ATRX: variants seen among roughly 807,000 people sequenced by gnomAD.
The protein encoded by ATRX is chromatin remodeler ATRX.
A neutral mutation model predicts 172.6 loss-of-function variants in ATRX; 12 were observed. The ratio of observed to expected loss-of-function variants is 0.07; its 90% CI spans 0.04 to 0.11. The LOEUF is 0.11. ATRX is among the 10% of genes least tolerant of loss of function. The pLI, the probability that ATRX is intolerant of heterozygous loss-of-function variation, is 1.00. For synonymous variants in ATRX, 674 were observed against 594.7 expected (o/e 1.13, Z -1.94); for missense variants, 1,368 against 1,767.4 (o/e 0.77, Z 4.05).
chrX:77,509,629 A>G lies in ATRX; in HGVS notation c.7201-1000T>C, dbSNP rs1045452871. On this transcript the variant is annotated intron_variant, in intron 34 of 34. Coordinates refer to ENST00000373344, the MANE Select transcript of ATRX (RefSeq NM_000489.6). ...AGAGAATCTATGTGCTTGCAGGAAAAGAGTACAGTGATTATGGGACTCTGC... is the reference window on the plus strand; with the variant it reads ...AGAGAATCTATGTGCTTGCAGGAAAGGAGTACAGTGATTATGGGACTCTGC... 9.0e-5 allele frequency among the ~76,000 whole-genome samples: 10 copies of G among 110,912 alleles called. No individual in the cohort carries two copies. The Admixed American group carries it at 9.6e-4, about 11-fold the overall frequency.
intron 27 of ATRX, among the ~76,000 whole-genome samples, chrX:77,577,836 C>G (rs907214129): frequency 9.0e-6 from 1 of 111,434 alleles, no homozygotes. Flanking sequence ...CCAGCATAAA[C>G]AGCAAATGTT....
At chrX:77,583,687 T>A (rs1233264315) in intron 27 of ATRX, among the ~76,000 whole-genome samples, 1 of 111,646 alleles carries the variant, frequency 9.0e-6, no homozygotes, top group East Asian at 2.8e-4. Flanking sequence ...ATAGCTAGTA[T>A]CATACTAAAG....
intron 1 of ATRX, among the ~76,000 whole-genome samples, chrX:77,731,586 C>T (rs2074300030): frequency 9.0e-6 from 1 of 111,401 alleles, no homozygotes; most frequent in Non-Finnish European, 1.9e-5. Context: ...GTCTCTTTAC[C>T]AATAGAATGT....
intron 28 of ATRX, among the ~76,000 whole-genome samples, chrX:77,571,241 A>C (rs2148008023): frequency 8.9e-6 from 1 of 112,039 alleles, no homozygotes; most frequent in East Asian, 2.8e-4. Flanking sequence ...GGTCCACACA[A>C]AAAGCTGGAA....
chrX:77,660,695 T>C (rs2069837085), intron 12 of ATRX, among the ~76,000 whole-genome samples: 1 of 111,542 alleles, frequency 9.0e-6, no homozygotes, highest in Non-Finnish European at 1.9e-5. Context: ...ACATATTAAT[T>C]GTATATGTGT....
At chrX:77,592,783 G>T (rs782353930) in intron 26 of ATRX, among the ~76,000 whole-genome samples, 53 of 108,974 alleles carry the variant, frequency 4.9e-4, no homozygotes, top group Non-Finnish European at 9.1e-4. Flanking sequence ...TTGCACTCCC[G>T]CCTGGGCAAC....
At chrX:77,775,183 G>A (rs1333168954) in intron 1 of ATRX, among the ~76,000 whole-genome samples, 1 of 111,639 alleles carries the variant, frequency 9.0e-6, no homozygotes, top group African/African-American at 3.3e-5. Flanking sequence ...AATAATAGAG[G>A]ATGATAAAGT....
At chrX:77,753,531 C>G (rs2075376362) in intron 1 of ATRX, among the ~76,000 whole-genome samples, 1 of 110,982 alleles carries the variant, frequency 9.0e-6, no homozygotes, top group Admixed American at 9.7e-5. Flanking sequence ...CTCTTTTTCT[C>G]TAGTTCTTTT....
intron 30 of ATRX, among the ~76,000 whole-genome samples, chrX:77,533,368 A>T (rs1342859807): frequency 1.8e-5 from 2 of 112,433 alleles, no homozygotes; most frequent in Non-Finnish European, 3.8e-5. Flanking sequence ...AAGTCATGGA[A>T]TCAACCTACA....
intron 2 of ATRX, among the ~76,000 whole-genome samples, chrX:77,705,227 G>A (rs1199185782): frequency 8.1e-5 from 9 of 111,293 alleles, no homozygotes; most frequent in African/African-American, 2.6e-4. Context: ...TGGGACTGCA[G>A]CCACGGTTTG....
intron 34 of ATRX, among the ~76,000 whole-genome samples, chrX:77,518,604 C>T (rs1469518812): frequency 9.0e-6 from 1 of 111,530 alleles, no homozygotes; most frequent in Non-Finnish European, 1.9e-5. Flanking sequence ...AGATACAATG[C>T]ATCCTTATCA....
intron 34 of ATRX, among the ~76,000 whole-genome samples, chrX:77,512,524 T>C (rs984513995): frequency 1.8e-5 from 2 of 112,663 alleles, no homozygotes; most frequent in Middle Eastern, 4.6e-3. Context: ...TTTGCAAGCC[T>C]CATGGTAACT....
rs1557137049 is a variant in ATRX, at chrX:77,681,654, G to A, written c.3602C>T (p.Thr1201Ile). ...TSTKRKQADI[T>I]SSSSSDIEDD... Reference sequence around the variant, plus strand: ...TTCTATATCAGAAGAAGATGAGGATGTAATGTCAGCTTGCTTCCTTTTAGT... The same window carrying A: ...TTCTATATCAGAAGAAGATGAGGATATAATGTCAGCTTGCTTCCTTTTAGT... The change falls in exon 9 of 35, where the codon ACA becomes ATA. Residue 1201 changes from threonine to isoleucine, a missense_variant. Transcript: ENST00000373344. 8.3e-7 allele frequency: 1 copy of A among 1,208,569 alleles called. No individual in the cohort carries two copies.
intron 30 of ATRX, among the ~76,000 whole-genome samples, chrX:77,527,244 G>C (rs1557044132): frequency 1.8e-5 from 2 of 112,058 alleles, no homozygotes; most frequent in African/African-American, 6.5e-5. Flanking sequence ...GTGGTCTGTG[G>C]CACTCACAGA....
At chrX:77,774,881 CTTTT>C (rs1435874432) in intron 1 of ATRX, among the ~76,000 whole-genome samples, 1 of 105,799 alleles carries the variant, frequency 9.5e-6, no homozygotes, top group East Asian at 3.1e-4. Flanking sequence ...TAATTTAGTA[CTTTT>C]GTTTGTTTGT....
In ATRX at chrX:77,682,756, C is replaced by T. The variant is rs2148595996; in HGVS notation, c.2500G>A (p.Ala834Thr). 8.3e-7 allele frequency: 1 copy of T among 1,210,473 alleles called. No individual in the cohort carries two copies. Among genetic ancestry groups the T allele is most frequent in the Admixed American group, 2.2e-5 (1 of 45,927 alleles). The change falls in exon 9 of 35, where the codon GCC becomes ACC. Residue 834 changes from alanine (A) to threonine (T), a missense_variant. By Grantham distance (58) the Ala-to-Thr change is moderately conservative (BLOSUM62 0). Around this residue, in one of 17 missense-constraint regions of ATRX, gnomAD observed 843 missense variants for 643.1 expected, o/e 1.31. Coordinates refer to ENST00000373344, the MANE Select transcript of ATRX (RefSeq NM_000489.6). ...EIKSMSKIGAARTTKKRIPNT... is the reference protein window; with the variant it reads ...EIKSMSKIGATRTTKKRIPNT... ...GGAATTCTTTTTTTGGTGGTTCTGG[C>T]AGCACCAATTTTACTCATGCTCTTT... is the stretch of plus-strand genomic sequence containing the variant.
intron 4 of ATRX, among the ~76,000 whole-genome samples, chrX:77,697,212 T>C (rs2072235690): frequency 9.0e-6 from 1 of 111,637 alleles, no homozygotes; most frequent in South Asian, 3.7e-4. Context: ...ATGACTAACT[T>C]CCCATCCTAG....
chrX:77,513,131 C>T lies in ATRX; in HGVS notation c.7201-4502G>A, dbSNP rs975863729. On this transcript the variant is annotated intron_variant, in intron 34 of 34. Coordinates refer to ENST00000373344, the MANE Select transcript of ATRX (RefSeq NM_000489.6). ...AGGAGACTGAGACCATCCTGGTTAA[C>T]ACGGTGAAACCCCGTCTCTACTAAA... Among the ~76,000 whole-genome samples, 5 of 108,317 alleles carry T rather than the reference C, an allele frequency of 4.6e-5. No individual in the cohort carries two copies. The South Asian group carries it at 2.1e-3, about 45-fold the overall frequency. 94.1% of individuals were successfully genotyped at this position (108,317 alleles called of 115,157 possible). A position where few individuals can be genotyped will look rare whatever the true frequency, so the allele number is the denominator to read the frequency against.
At chrX:77,765,903 A>G (rs1210213832) in intron 1 of ATRX, among the ~76,000 whole-genome samples, 1 of 107,189 alleles carries the variant, frequency 9.3e-6, no homozygotes, top group African/African-American at 3.4e-5. Flanking sequence ...CTTAACGAGC[A>G]TGCTGCCTTC....
Sources: allele counts gnomAD v4.1 joint callset (sites outside exome capture counted in the v4.1 genomes callset), GRCh38; gene constraint gnomAD v4.1.1; regional missense constraint gnomAD v4.1.1; transcripts MANE v1.5; gene names NCBI Gene and HGNC (gene_info 2026-07-23, HGNC 2026-07-21).